ANO2: variants seen among roughly 807,000 people sequenced by gnomAD.
ANO2 encodes the protein anoctamin-2.
A neutral mutation model predicts 124.2 loss-of-function variants in ANO2; 101 were observed. The observed-to-expected ratio is 0.81, with a 90% CI of 0.69 to 0.96. The LOEUF is 0.96. Among genes scored for constraint, ANO2 ranks in the 40% least tolerant of loss-of-function variants. The pLI is 0.00. For synonymous variants in ANO2, 486 were observed against 482.5 expected (o/e 1.01, Z -0.09); for missense variants, 1,293 against 1,274.5 (o/e 1.01, Z -0.22).
chr12:5,833,642 A>T (rs1191574426), intron 4 of ANO2, among the ~76,000 whole-genome samples: 1 of 152,174 alleles, frequency 6.6e-6, no homozygotes, highest in Non-Finnish European at 1.5e-5. Flanking sequence ...AGCAAGCATT[A>T]CCGCCTGAGC....
Position 5,837,228 on chromosome 12 carries a change from ACCACGGGGCCAGGAGTGCAGCAC to A in ANO2, c.634-4648_634-4626del, listed in dbSNP as rs1441935073. On this transcript the variant is annotated intron_variant, in intron 4 of 24. Transcript: ENST00000682330. Reference sequence around the variant, plus strand: ...CATCCACGGGGCCAGGAGTGCAGCAACCACGGGGCCAGGAGTGCAGCACCCACGGGGCCAGGAATGCCTGCATT... The same window carrying A: ...CATCCACGGGGCCAGGAGTGCAGCAACCACGGGGCCAGGAATGCCTGCATT... Among the ~76,000 whole-genome samples the A allele has an allele frequency of 6.5e-5, 7 of 107,702 alleles. No homozygotes were observed. The East Asian group carries it at 1.1e-3, about 17-fold the overall frequency. 70.7% of individuals were successfully genotyped at this position (107,702 alleles called of 152,430 possible).
intron 14 of ANO2, among the ~76,000 whole-genome samples, chr12:5,710,070 G>A (rs1949757190): frequency 6.6e-6 from 1 of 152,242 alleles, no homozygotes; most frequent in African/African-American, 2.4e-5. Context: ...AAAGTGTTAA[G>A]AAGTGACGAG....
Position 5,568,911 on chromosome 12 carries a change from G to A in ANO2, c.2622-3248C>T, listed in dbSNP as rs75551635. Among the ~76,000 whole-genome samples the A allele has an allele frequency of 1.2e-4, 18 of 152,366 alleles. No homozygotes were observed. In the East Asian group the frequency reaches 3.3e-3, roughly 28 times the overall value. On this transcript the variant is annotated intron_variant, in intron 23 of 24. Coordinates refer to ENST00000682330, the MANE Select transcript of ANO2 (RefSeq NM_001364791.2). Reference sequence around the variant, plus strand: ...CTTTCCATCACAGAGTTGTTCTGAAGACGGAGGGTCAACGCCGAGTGCTCC... The same window carrying A: ...CTTTCCATCACAGAGTTGTTCTGAAAACGGAGGGTCAACGCCGAGTGCTCC...
intron 1 of ANO2, among the ~76,000 whole-genome samples, chr12:5,924,803 C>T (rs1208328303): frequency 1.3e-5 from 2 of 152,192 alleles, no homozygotes; most frequent in Non-Finnish European, 2.9e-5. Flanking sequence ...CCACAGCCTG[C>T]TTTTCCCCGT....
chr12:5,788,156 C>T (rs967343303), intron 10 of ANO2, among the ~76,000 whole-genome samples: 3 of 152,312 alleles, frequency 2.0e-5, no homozygotes, highest in Admixed American at 2.0e-4. Flanking sequence ...GCTGTTGAAT[C>T]TAAGCAAAAT....
chr12:5,930,632 G>A (rs147566647), intron 1 of ANO2, among the ~76,000 whole-genome samples: 229 of 152,164 alleles, frequency 1.5e-3, no homozygotes, highest in African/African-American at 5.3e-3. Flanking sequence ...AGTGCCCTGG[G>A]CACTTCATTT....
chr12:5,636,751 C>T lies in ANO2; in HGVS notation c.1621-1404G>A, dbSNP rs551111147. ...GTGGGGGCCTCTGGCTTGGGCAGTG[C>T]TTTGCAAGCAGTGTGAATGACACTC... On this transcript the variant is annotated intron_variant, in intron 15 of 24. Transcript: ENST00000682330. This position sits in a 1 kb window ranked among gnomAD's most constrained non-coding sequence, Gnocchi z 4.6. 8.6e-5 allele frequency among the ~76,000 whole-genome samples: 13 copies of T among 151,940 alleles called. No individual in the cohort carries two copies. The highest frequency in any genetic ancestry group is 2.9e-4 in the African/African-American group (12 of 41,438).
At chr12:5,847,878 A>G (rs1954732972) in intron 4 of ANO2, among the ~76,000 whole-genome samples, 1 of 152,258 alleles carries the variant, frequency 6.6e-6, no homozygotes, top group Non-Finnish European at 1.5e-5. Context: ...TCAGGAAAAG[A>G]AGATAACTTA....
intron 7 of ANO2, among the ~76,000 whole-genome samples, chr12:5,822,990 T>C (rs1953852530): frequency 6.6e-6 from 1 of 152,142 alleles, no homozygotes; most frequent in Non-Finnish European, 1.5e-5. Context: ...TTCACTATCA[T>C]GAGAATAGCA....
At chr12:5,602,247 C>T (rs1033965715) in intron 19 of ANO2, among the ~76,000 whole-genome samples, 1 of 143,358 alleles carries the variant, frequency 7.0e-6, no homozygotes, top group Admixed American at 6.9e-5. Flanking sequence ...ATTAATTGAT[C>T]TAGGAACTCT....
At chr12:5,891,758 T>G (rs1443113080) in intron 3 of ANO2, among the ~76,000 whole-genome samples, 1 of 152,184 alleles carries the variant, frequency 6.6e-6, no homozygotes, top group Non-Finnish European at 1.5e-5. Flanking sequence ...TGAAACTGAT[T>G]TTGAAACTAC....
chr12:5,751,354 C>T (rs891084101), intron 10 of ANO2, among the ~76,000 whole-genome samples: 21 of 152,190 alleles, frequency 1.4e-4, no homozygotes, highest in African/African-American at 5.1e-4. Context: ...AGAAAACACA[C>T]CTTTTTGGAA....
At chr12:5,876,034 G>A (rs549807677) in intron 3 of ANO2, among the ~76,000 whole-genome samples, 2 of 152,274 alleles carry the variant, frequency 1.3e-5, no homozygotes, top group Admixed American at 6.5e-5. Context: ...GCTTCAAACT[G>A]CCACTGCAGA....
chr12:5,927,149 G>C (rs1267286950), intron 1 of ANO2, among the ~76,000 whole-genome samples: 13 of 152,128 alleles, frequency 8.5e-5, no homozygotes, highest in Non-Finnish European at 2.9e-5. Context: ...ACTTCCTCCT[G>C]GAAGCTTCCC....
At chr12:5,710,887 C>T (rs4556637) in intron 14 of ANO2, among the ~76,000 whole-genome samples, 30,827 of 152,078 alleles carry the variant, frequency 0.2, 3,353 homozygotes, top group Middle Eastern at 0.27. Flanking sequence ...CTGGGCCGGG[C>T]GCGGTGGCTC....
chr12:5,749,239 C>T (rs1268339635), intron 11 of ANO2, among the ~76,000 whole-genome samples: 1 of 152,208 alleles, frequency 6.6e-6, no homozygotes, highest in South Asian at 2.1e-4. Flanking sequence ...TTCCCCATTA[C>T]CACCCCCAAC....
intron 14 of ANO2, 26 bp downstream of exon 14, chr12:5,732,494 C>T (rs772585955): frequency 1.6e-5 from 26 of 1,582,840 alleles, no homozygotes; most frequent in East Asian, 8.9e-5. Context: ...TAAAGAGGAC[C>T]GTGAGCAGCA....
At chr12:5,653,990 C>T (rs1947043489) in intron 14 of ANO2, among the ~76,000 whole-genome samples, 1 of 152,188 alleles carries the variant, frequency 6.6e-6, no homozygotes, top group Non-Finnish European at 1.5e-5. Flanking sequence ...TAGTATTATA[C>T]ACAGCAGCAG....
At chr12:5,838,506 A>G (rs1954400834) in intron 4 of ANO2, among the ~76,000 whole-genome samples, 1 of 152,192 alleles carries the variant, frequency 6.6e-6, no homozygotes, top group Non-Finnish European at 1.5e-5. Flanking sequence ...TCTCCCCCGT[A>G]GTACACACCA....
Sources: allele counts gnomAD v4.1 joint callset (sites outside exome capture counted in the v4.1 genomes callset), GRCh38; gene constraint gnomAD v4.1.1; non-coding constraint Gnocchi (gnomAD v3.1); transcripts MANE v1.5; gene names NCBI Gene and HGNC (gene_info 2026-07-23, HGNC 2026-07-21).